Variants in GRIN2A observed in about 807,000 individuals in gnomAD.
GRIN2A encodes the protein glutamate receptor ionotropic, NMDA 2A.
Under a neutral mutation model 113.4 loss-of-function variants are expected in GRIN2A, and 22 were observed. The observed-to-expected ratio is 0.19, with a 90% confidence interval of 0.14 to 0.28. The LOEUF (loss-of-function observed/expected upper bound fraction) is 0.28, where lower values mean the gene tolerates loss of function less well. Among genes scored for constraint, GRIN2A ranks in the 10% least tolerant of loss-of-function variants. The pLI is 1.00. For missense variants in GRIN2A, 1,502 were observed against 1,887.0 expected (o/e 0.80, Z 3.78); for synonymous variants, 827 against 738.4 (o/e 1.12, Z -1.94).
At chr16:10,158,588 A>G (rs2049750289) in intron 2 of GRIN2A, among the ~76,000 whole-genome samples, 1 of 152,276 alleles carries the variant, frequency 6.6e-6, no homozygotes, top group African/African-American at 2.4e-5. Context: ...TTATTCAGCC[A>G]TGAAAAGGAA....
chr16:10,149,422 C>T (rs1296194062), intron 2 of GRIN2A, among the ~76,000 whole-genome samples: 2 of 152,200 alleles, frequency 1.3e-5, no homozygotes, highest in African/African-American at 4.8e-5. Context: ...CCCAGTGGGG[C>T]AACCTGGGTG....
rs1442719376 is a variant in GRIN2A, at chr16:9,937,752, T to G, written c.1007+207A>C. 23 of 593,410 alleles carry G rather than the reference T, an allele frequency of 3.9e-5. No homozygotes were observed. In the Admixed American group the frequency reaches 6.7e-4, roughly 17 times the overall value. The allele number at this position is 593,410 out of a possible 1,614,324, so 36.8% of individuals were successfully genotyped here. A position where few individuals can be genotyped will look rare whatever the true frequency, so the allele number is the denominator to read the frequency against. ...TATATTGTTGAGTAGAAAAAAAAGT[T>G]AAGTTGCAGGAAACAAAGTCTAATG... On this transcript the variant is annotated intron_variant, in intron 3 of 12. Coordinates refer to ENST00000330684, the MANE Select transcript of GRIN2A (RefSeq NM_001134407.3).
intron 2 of GRIN2A, among the ~76,000 whole-genome samples, chr16:10,137,613 G>A (rs1283010580): frequency 6.6e-6 from 1 of 152,144 alleles, no homozygotes; most frequent in Non-Finnish European, 1.5e-5. Flanking sequence ...ATGCCTTCCT[G>A]CCCCAGCCCT....
Position 10,046,588 on chromosome 16 carries a change from T to C in GRIN2A, c.415-108037A>G, listed in dbSNP as rs1011622091. ...CCTTTCAATGCATCCCAATGCCGTA[T>C]AGGATGGTTTAAAGAGCCCTGGAGT... On this transcript the variant is annotated intron_variant, in intron 2 of 12. Coordinates refer to ENST00000330684, the MANE Select transcript of GRIN2A (RefSeq NM_001134407.3). Among the ~76,000 whole-genome samples the C allele has an allele frequency of 2.6e-5, 4 of 151,822 alleles. No homozygotes were observed. In the East Asian group the frequency reaches 5.9e-4, roughly 22 times the overall value.
chr16:9,798,078 G>T (rs1596422687), intron 11 of GRIN2A, among the ~76,000 whole-genome samples, 199 bp downstream of exon 11: 1 of 152,084 alleles, frequency 6.6e-6, no homozygotes, highest in African/African-American at 2.4e-5. Context: ...GAATACTTTT[G>T]TTTGTTAAAT....
chr16:10,038,093 C>G (rs541174865), intron 2 of GRIN2A, among the ~76,000 whole-genome samples: 38 of 152,180 alleles, frequency 2.5e-4, no homozygotes, highest in Non-Finnish European at 4.1e-4. Context: ...GACTTTATTT[C>G]TCTCAGTTCC....
chr16:9,877,135 A>T (rs1028233343), intron 4 of GRIN2A, among the ~76,000 whole-genome samples: 2 of 152,188 alleles, frequency 1.3e-5, no homozygotes, highest in African/African-American at 4.8e-5. Context: ...TTAATTTTTT[A>T]AAAATCATAG....
chr16:10,039,813 A>AGAGAGAG lies in GRIN2A; in HGVS notation c.415-101263_415-101262insCTCTCTC, dbSNP rs1555469303. On this transcript the variant is annotated intron_variant, in intron 2 of 12. Transcript: ENST00000330684. ...GAGGGGGAGGGGGAGGGGGGGGAGA[A>AGAGAGAG]AGAGAGAGAGAGAGAGAGAGAGGAG... Among the ~76,000 whole-genome samples the AGAGAGAG allele has an allele frequency of 1.1e-3, 81 of 73,568 alleles. 3 individuals are homozygous for AGAGAGAG. The highest frequency in any genetic ancestry group is 4.9e-3 in the African/African-American group (73 of 15,014). The allele number at this position is 73,568 out of a possible 152,430, so 48.3% of individuals were successfully genotyped here.
At chr16:10,041,189 C>A (rs1367338933) in intron 2 of GRIN2A, among the ~76,000 whole-genome samples, 1 of 152,206 alleles carries the variant, frequency 6.6e-6, no homozygotes, top group Non-Finnish European at 1.5e-5. Flanking sequence ...GAGACCTTCC[C>A]ATTTTCGTAA....
intron 10 of GRIN2A, among the ~76,000 whole-genome samples, chr16:9,809,937 A>G (rs1016425459): frequency 6.6e-6 from 1 of 152,124 alleles, no homozygotes; most frequent in African/African-American, 2.4e-5. Context: ...GCATGGTGGC[A>G]CACACCTGTA....
chr16:10,039,582 C>A (rs74008917), intron 2 of GRIN2A, among the ~76,000 whole-genome samples: 32,668 of 151,596 alleles, frequency 0.22, 4,224 homozygotes, highest in East Asian at 0.52. Context: ...GCAGCGAGGA[C>A]TGCGCAGCAG....
chr16:10,074,847 G>A (rs9938777), intron 2 of GRIN2A, among the ~76,000 whole-genome samples: 14,492 of 152,190 alleles, frequency 0.095, 773 homozygotes, highest in African/African-American at 0.11. Context: ...AAAAGCATTG[G>A]ACTGTGAACT....
chr16:10,008,460 T>A lies in GRIN2A; in HGVS notation c.415-69909A>T, dbSNP rs570730000. ...CCTACTGCTGTTGTTTTGTAGAGCA[T>A]AAGAAGTGGGTGGAGTTGTTTCCAA... On this transcript the variant is annotated intron_variant, in intron 2 of 12. Coordinates refer to ENST00000330684, the MANE Select transcript of GRIN2A (RefSeq NM_001134407.3). Among the ~76,000 whole-genome samples the A allele has an allele frequency of 9.9e-5, 15 of 152,252 alleles. No homozygotes were observed. In the South Asian group the frequency reaches 2.9e-3, roughly 30 times the overall value.
chr16:10,075,872 TA>T (rs2047862706), intron 2 of GRIN2A, among the ~76,000 whole-genome samples: 2 of 151,970 alleles, frequency 1.3e-5, no homozygotes. Flanking sequence ...AATTAAAAAT[TA>T]AAAAATAAAA....
At chr16:9,800,037 C>T (rs190830451) in intron 10 of GRIN2A, among the ~76,000 whole-genome samples, 3 of 151,958 alleles carry the variant, frequency 2.0e-5, no homozygotes, top group East Asian at 1.9e-4. Context: ...TGCAATGGTG[C>T]GATCTCAGCT....
At chr16:10,059,039 A>T (rs1040113465) in intron 2 of GRIN2A, among the ~76,000 whole-genome samples, 2 of 152,224 alleles carry the variant, frequency 1.3e-5, no homozygotes, top group African/African-American at 4.8e-5. Flanking sequence ...TAATACATGG[A>T]AGAGGGATTC....
chr16:10,174,163 A>C (rs2142367355), intron 2 of GRIN2A, among the ~76,000 whole-genome samples: 1 of 152,284 alleles, frequency 6.6e-6, no homozygotes, highest in South Asian at 2.1e-4. Context: ...GAAGAACTGG[A>C]CCTAGAATCA....
chr16:9,828,445 A>G (rs1406589637), intron 9 of GRIN2A, among the ~76,000 whole-genome samples: 1 of 152,214 alleles, frequency 6.6e-6, no homozygotes, highest in Non-Finnish European at 1.5e-5. Context: ...TTGATTTTCT[A>G]TTCAGCAGTT....
At chr16:9,901,330 C>A (rs1030685063) in intron 3 of GRIN2A, among the ~76,000 whole-genome samples, 3 of 152,260 alleles carry the variant, frequency 2.0e-5, no homozygotes, top group African/African-American at 7.2e-5. Context: ...AACTAGACAT[C>A]CAGTGAGGTA....
Sources: gnomAD v4.1 joint callset for allele counts (sites outside exome capture counted in the v4.1 genomes callset) on GRCh38, gnomAD v4.1.1 for gene constraint, MANE v1.5 for transcripts, NCBI Gene and HGNC (gene_info 2026-07-23, HGNC 2026-07-21) for gene names.